The following SLC12A1 variants were observed in gnomAD, a reference collection of about 807,000 sequenced individuals.
The protein encoded by SLC12A1 is solute carrier family 12 member 1, also known as Na-K-2Cl cotransporter.
Under a neutral mutation model 130.4 loss-of-function variants are expected in SLC12A1, and 89 were observed. The ratio of observed to expected loss-of-function variants is 0.68; its 90% CI spans 0.58 to 0.81. SLC12A1 has a LOEUF of 0.81. SLC12A1 is among the 40% of genes least tolerant of loss of function. The probability of loss-of-function intolerance (pLI) is 0.00; values close to 1 mark genes in which losing one functional copy is unlikely to be tolerated. For synonymous variants in SLC12A1, 499 were observed against 460.0 expected, an observed-to-expected ratio of 1.08 and a Z score of -1.09; for missense variants, 1,310 against 1,336.4, an observed-to-expected ratio of 0.98 and a Z score of 0.31.
intron 26 of SLC12A1, among the ~76,000 whole-genome samples, chr15:48,302,358 C>T (rs1274694473): frequency 6.6e-6 from 1 of 151,912 alleles, no homozygotes; most frequent in African/African-American, 2.4e-5. Flanking sequence ...CGGTGGCTCA[C>T]GCCTGCAATC....
intron 25 of SLC12A1, among the ~76,000 whole-genome samples, chr15:48,300,324 T>TA (rs879936716): frequency 2.3e-3 from 327 of 140,608 alleles, no homozygotes; most frequent in East Asian, 9.9e-3. Flanking sequence ...AAACCCTGTT[T>TA]AAAAAAAAAA....
chr15:48,267,863 G>C (rs774921282), intron 18 of SLC12A1, among the ~76,000 whole-genome samples, 162 bp downstream of exon 18: 5 of 152,158 alleles, frequency 3.3e-5, no homozygotes, highest in Admixed American at 2.0e-4. Context: ...GGCAAAGCTA[G>C]AACAAAAGCA....
chr15:48,278,076 GT>G (rs1232243320), intron 20 of SLC12A1, among the ~76,000 whole-genome samples: 1 of 152,176 alleles, frequency 6.6e-6, no homozygotes, highest in African/African-American at 2.4e-5. Flanking sequence ...CTCCCACTCA[GT>G]GAGTATTCAC....
Position 48,229,263 on chromosome 15 carries a change from G to C in SLC12A1, c.799G>C (p.Ala267Pro). 6.2e-7 allele frequency: 1 copy of C among 1,603,548 alleles called. No homozygotes were observed. Among genetic ancestry groups the C allele is most frequent in the Non-Finnish European group, 8.5e-7 (1 of 1,174,614 alleles). The part of the protein sequence containing the change: ...GGSIGLIFAF[A>P]NAVAVAMYVV... ...GTCAATAGGCCTGATCTTTGCTTTT[G>C]CTAATGCAGTGGCTGTTGCTATGTA... The change falls in exon 6 of 27, where the codon GCT becomes CCT. Residue 267 changes from alanine to proline, a missense_variant. Ala to Pro is a conservative substitution (Grantham distance 27). Transcript: ENST00000380993.
chr15:48,268,942 T>C (rs1442469303), intron 18 of SLC12A1, among the ~76,000 whole-genome samples: 2 of 151,968 alleles, frequency 1.3e-5, no homozygotes, highest in African/African-American at 2.4e-5. Flanking sequence ...CCAGAAGAAA[T>C]GGTAGAAAAT....
chr15:48,236,092 A>AACAC (rs56371843), intron 9 of SLC12A1, among the ~76,000 whole-genome samples: 199 of 145,884 alleles, frequency 1.4e-3, no homozygotes, highest in East Asian at 5.3e-3. Context: ...AGCCATTTCT[A>AACAC]ACACACACAC....
At chr15:48,283,523 T>C (rs935190917) in intron 20 of SLC12A1, among the ~76,000 whole-genome samples, 2 of 152,230 alleles carry the variant, frequency 1.3e-5, no homozygotes, top group African/African-American at 4.8e-5. Flanking sequence ...CATGGGTGAT[T>C]TGACCTTAAA....
rs1026336927 is a variant in SLC12A1 at position 48,291,982 on chromosome 15, C to G, written c.2960+118C>G. The stretch of plus-strand genomic sequence containing the variant: ...TACTGCAGCGACTTCTTGATAGGAT[C>G]TAATAAGAAGAGCCTTCAAATAAGC... On this transcript the variant is annotated intron_variant, in intron 24 of 26. Transcript: ENST00000380993. The G allele has an allele frequency of 1.0e-5, 7 of 669,352 alleles. No individual in the cohort carries two copies. The African/African-American group carries it at 1.3e-4, about 12-fold the overall frequency. The allele number at this position is 669,352 out of a possible 1,614,324, so 41.5% of individuals were successfully genotyped here.
chr15:48,217,678 C>G (rs1450165001), intron 2 of SLC12A1, among the ~76,000 whole-genome samples: 1 of 151,948 alleles, frequency 6.6e-6, no homozygotes, highest in Non-Finnish European at 1.5e-5. Flanking sequence ...ATGAGCTGTC[C>G]CATAGAGATG....
intron 10 of SLC12A1, among the ~76,000 whole-genome samples, chr15:48,242,887 C>T (rs1597421281): frequency 6.6e-6 from 1 of 152,100 alleles, no homozygotes; most frequent in Non-Finnish European, 1.5e-5. Context: ...TGTTTCAGTG[C>T]TTTAGGAAAT....
intron 2 of SLC12A1, among the ~76,000 whole-genome samples, chr15:48,215,978 G>A: frequency 6.6e-6 from 1 of 152,158 alleles, no homozygotes; most frequent in Non-Finnish European, 1.5e-5. Context: ...CTACATGAGA[G>A]TAAGCAATGG....
intron 9 of SLC12A1, 104 bp downstream of exon 9, chr15:48,235,108 C>G: frequency 8.5e-7 from 1 of 1,179,798 alleles, no homozygotes; most frequent in Non-Finnish European, 1.3e-6. Flanking sequence ...CCTACAGATT[C>G]AAACTGTAGG....
chr15:48,208,391 C>T (rs1274475345), intron 2 of SLC12A1, among the ~76,000 whole-genome samples: 2 of 152,028 alleles, frequency 1.3e-5, no homozygotes, highest in Non-Finnish European at 2.9e-5. Flanking sequence ...GTGGACACTG[C>T]AGCTTTGAAC....
chr15:48,267,446 C>T (rs577375926), intron 17 of SLC12A1, 115 bp from the exon 18 acceptor site: 2 of 1,164,188 alleles, frequency 1.7e-6, no homozygotes, highest in African/African-American at 3.1e-5. Context: ...GTTTTTCCCT[C>T]TTTCCCATTT....
Position 48,301,399 on chromosome 15 carries a change from G to T in SLC12A1, c.3164+17G>T. The T allele has an allele frequency of 6.5e-7, 1 of 1,530,322 alleles. No homozygotes were observed. The highest frequency in any genetic ancestry group is 1.2e-5 in the South Asian group (1 of 83,142). The allele number at this position is 1,530,322 out of a possible 1,614,324, so 94.8% of individuals were successfully genotyped here. A position where few individuals can be genotyped will look rare whatever the true frequency, so the allele number is the denominator to read the frequency against. On this transcript the variant is annotated intron_variant, in intron 26 of 26. Coordinates refer to ENST00000380993, the MANE Select transcript of SLC12A1 (RefSeq NM_000338.3). ...CATTGTCCTGTAAGTATCATTGCAA[G>T]CATTGAAGAACATTAGAAATAAATC...
chr15:48,244,083 A>G (rs1234552036), intron 10 of SLC12A1, among the ~76,000 whole-genome samples: 2 of 152,238 alleles, frequency 1.3e-5, no homozygotes, highest in Non-Finnish European at 2.9e-5. Context: ...AAAGACGTTC[A>G]TCATAGAATG....
intron 17 of SLC12A1, among the ~76,000 whole-genome samples, chr15:48,263,736 A>C (rs568730784): frequency 1.3e-5 from 2 of 152,174 alleles, no homozygotes; most frequent in East Asian, 3.9e-4. Context: ...TCTGTCACTT[A>C]AGCTGGAGTA....
In SLC12A1 at chr15:48,259,281, T is replaced by A; in HGVS notation, c.2124T>A (p.Ser708Arg). 6.2e-7 allele frequency: 1 copy of A among 1,613,624 alleles called. No individual in the cohort carries two copies. The highest frequency in any genetic ancestry group is 8.5e-7 in the Non-Finnish European group (1 of 1,179,582). The part of the protein sequence containing the change: ...LDITHAFTKN[S>R]GLCICCEVFV... ...TAACTCACGCCTTTACCAAGAACAG[T>A]GGCCTTTGCATCTGCTGTGAAGTCT... Residue 708 changes from serine (S) to arginine (R), a missense_variant, in exon 17 of 27, where the codon AGT (serine) becomes AGA (arginine). Coordinates refer to ENST00000380993, the MANE Select transcript of SLC12A1 (RefSeq NM_000338.3).
chr15:48,211,373 C>G (rs2041050381), intron 2 of SLC12A1, among the ~76,000 whole-genome samples: 1 of 152,076 alleles, frequency 6.6e-6, no homozygotes, highest in South Asian at 2.1e-4. Flanking sequence ...CTTACTTTTC[C>G]CCCCTCAAAT....
Sources: gnomAD v4.1 joint callset for allele counts (sites outside exome capture counted in the v4.1 genomes callset) on GRCh38, gnomAD v4.1.1 for gene constraint, MANE v1.5 for transcripts, NCBI Gene and HGNC (gene_info 2026-07-23, HGNC 2026-07-21) for gene names.